FBXW7: variants seen among roughly 807,000 people sequenced by gnomAD.
The protein encoded by FBXW7 is F-box/WD repeat-containing protein 7.
FBXW7 carries 11 observed loss-of-function variants against 86.3 expected under a neutral mutation model. The ratio of observed to expected loss-of-function variants is 0.13; its 90% CI spans 0.08 to 0.21. FBXW7 has a LOEUF of 0.21. FBXW7 is among the 10% of genes least tolerant of loss of function. The pLI is 1.00. For synonymous variants in FBXW7, 313 were observed against 297.9 expected (o/e 1.05, Z -0.52); for missense variants, 488 against 847.4 (o/e 0.58, Z 5.27).
At chr4:152,532,123 A>G (rs193105551) in intron 2 of FBXW7, among the ~76,000 whole-genome samples, 3 of 152,240 alleles carry the variant, frequency 2.0e-5, no homozygotes, top group Admixed American at 6.5e-5. Context: ...CCAACTTTAC[A>G]TTTTCAGTAT....
chr4:152,356,186 CT>C (rs895546150), intron 4 of FBXW7, among the ~76,000 whole-genome samples: 2 of 152,230 alleles, frequency 1.3e-5, no homozygotes, highest in Non-Finnish European at 1.5e-5. Context: ...TCTTTCTCCC[CT>C]ATCTCCTCCC....
At chr4:152,479,872 T>A (rs1365455413) in intron 2 of FBXW7, among the ~76,000 whole-genome samples, 1 of 152,128 alleles carries the variant, frequency 6.6e-6, no homozygotes, top group Non-Finnish European at 1.5e-5. Context: ...ACAGCACTCT[T>A]ACACCTAAAG....
rs959826498 is a variant in FBXW7 at position 152,535,835 on chromosome 4, T to TGGCTCC, written c.-927_-922dup. 26 of 386,526 alleles carry TGGCTCC rather than the reference T, an allele frequency of 6.7e-5. No individual in the cohort carries two copies. The highest frequency in any genetic ancestry group is 3.1e-4 in the East Asian group (8 of 26,164). The allele number at this position is 386,526 out of a possible 1,614,324, so 23.9% of individuals were successfully genotyped here. On this transcript the variant is annotated 5_prime_UTR_variant, in exon 1 of 14. Coordinates refer to ENST00000281708, the MANE Select transcript of FBXW7 (RefSeq NM_001349798.2). ...CCGGCTCAGGCTCGGGCTCCGGCTC[T>TGGCTCC]GGCTCCGGCTCCGGCGTGTGCAGCC...
At chr4:152,428,410 C>A (rs529899129) in intron 2 of FBXW7, among the ~76,000 whole-genome samples, 15 of 152,206 alleles carry the variant, frequency 9.9e-5, no homozygotes, top group East Asian at 1.9e-4. Flanking sequence ...AATAAATATT[C>A]TTTATTCTTA....
At chr4:152,338,396 T>C (rs955865922) in intron 6 of FBXW7, among the ~76,000 whole-genome samples, 2 of 151,994 alleles carry the variant, frequency 1.3e-5, no homozygotes, top group Non-Finnish European at 2.9e-5. Context: ...AGAGAAAAAT[T>C]AGTAACTGGA....
chr4:152,458,347 T>C (rs1476063209), intron 2 of FBXW7, among the ~76,000 whole-genome samples: 1 of 152,200 alleles, frequency 6.6e-6, no homozygotes, highest in Non-Finnish European at 1.5e-5. Context: ...CAGGTTGACA[T>C]AGTGGTCAAA....
chr4:152,480,311 C>A (rs1003819437), intron 2 of FBXW7, among the ~76,000 whole-genome samples: 1 of 152,128 alleles, frequency 6.6e-6, no homozygotes, highest in Admixed American at 6.6e-5. Context: ...CACCACAAAT[C>A]ACAAACACAG....
intron 2 of FBXW7, among the ~76,000 whole-genome samples, chr4:152,458,253 C>G (rs1385465351): frequency 1.3e-5 from 2 of 152,092 alleles, no homozygotes; most frequent in African/African-American, 4.8e-5. Context: ...CTCCCGACCT[C>G]GTGATCCGCC....
Position 152,348,147 on chromosome 4 carries a change from G to A in FBXW7, c.585-1076C>T, listed in dbSNP as rs570776661. ...TACTAATGAAACAACTCCTCCAGCT[G>A]TTTTTTTCTATCCAGCATTATTTTG... On this transcript the variant is annotated intron_variant, in intron 5 of 13. Transcript: ENST00000281708. Among the ~76,000 whole-genome samples, 5 of 151,952 alleles carry A rather than the reference G, an allele frequency of 3.3e-5. No homozygotes were observed. The East Asian group carries it at 5.8e-4, about 18-fold the overall frequency.
At chr4:152,523,814 ATTTTG>A (rs1037713145) in intron 2 of FBXW7, among the ~76,000 whole-genome samples, 6 of 152,180 alleles carry the variant, frequency 3.9e-5, no homozygotes, top group African/African-American at 1.4e-4. Flanking sequence ...CACATCATCT[ATTTTG>A]TTTTGTGTAT....
chr4:152,351,009 T>C (rs1434369281), intron 4 of FBXW7, among the ~76,000 whole-genome samples: 2 of 152,008 alleles, frequency 1.3e-5, no homozygotes, highest in East Asian at 3.8e-4. Flanking sequence ...GAAAATAAAA[T>C]CTGGTAAGAT....
At chr4:152,504,356 G>A (rs1244761697) in intron 2 of FBXW7, among the ~76,000 whole-genome samples, 1 of 152,090 alleles carries the variant, frequency 6.6e-6, no homozygotes, top group East Asian at 1.9e-4. Flanking sequence ...AATTTTAATT[G>A]ACAGTGTTTT....
chr4:152,534,441 C>T (rs1429949454), intron 2 of FBXW7, among the ~76,000 whole-genome samples: 2 of 152,178 alleles, frequency 1.3e-5, no homozygotes, highest in Non-Finnish European at 2.9e-5. Flanking sequence ...AGGTTAACTC[C>T]TGTACCAATA....
chr4:152,434,963 C>T (rs867262741), intron 2 of FBXW7, among the ~76,000 whole-genome samples: 6 of 150,904 alleles, frequency 4.0e-5, no homozygotes, highest in South Asian at 2.1e-4. Flanking sequence ...CCCGCTCCCC[C>T]CCCCCCACAC....
intron 2 of FBXW7, among the ~76,000 whole-genome samples, chr4:152,497,131 T>A (rs568019999): frequency 1.3e-5 from 2 of 151,992 alleles, no homozygotes; most frequent in African/African-American, 4.8e-5. Context: ...GAGACCAGCC[T>A]GGACAACACA....
chr4:152,339,073 T>G (rs1310277830), intron 6 of FBXW7, among the ~76,000 whole-genome samples: 1 of 152,208 alleles, frequency 6.6e-6, no homozygotes, highest in Non-Finnish European at 1.5e-5. Context: ...TACAATGAAC[T>G]TCTTCTCTTC....
chr4:152,350,577 TAAC>T (rs1390986736), intron 4 of FBXW7, among the ~76,000 whole-genome samples: 1 of 151,698 alleles, frequency 6.6e-6, no homozygotes, highest in East Asian at 1.9e-4. Context: ...ATTATGAAAG[TAAC>T]AAACTCAATT....
chr4:152,436,169 T>A (rs1740364093), intron 2 of FBXW7, among the ~76,000 whole-genome samples: 1 of 152,142 alleles, frequency 6.6e-6, no homozygotes, highest in Non-Finnish European at 1.5e-5. Context: ...AAAGAAAAGT[T>A]CTTGAAGGAA....
chr4:152,455,351 A>G (rs888560382), intron 2 of FBXW7, among the ~76,000 whole-genome samples: 2 of 152,152 alleles, frequency 1.3e-5, no homozygotes. Flanking sequence ...TCAGTTTCCA[A>G]TAACATCTTC....
Sources: gnomAD v4.1 joint callset for allele counts (sites outside exome capture counted in the v4.1 genomes callset) on GRCh38, gnomAD v4.1.1 for gene constraint, MANE v1.5 for transcripts, NCBI Gene and HGNC (gene_info 2026-07-23, HGNC 2026-07-21) for gene names.